Variants in TPX2 observed in about 807,000 individuals in gnomAD.
TPX2 encodes the protein targeting protein for Xklp2.
In TPX2, 21 loss-of-function variants were observed where a neutral mutation model predicts 93.6. The observed-to-expected ratio is 0.22, with a 90% CI of 0.16 to 0.32. The LOEUF (loss-of-function observed/expected upper bound fraction) is 0.32, where lower values mean the gene tolerates loss of function less well. Among genes scored for constraint, TPX2 ranks in the 10% least tolerant of loss-of-function variants. TPX2 has a pLI of 1.00. For synonymous variants in TPX2, 281 were observed against 298.3 expected (o/e 0.94, Z 0.60); for missense variants, 776 against 871.1 (o/e 0.89, Z 1.37).
intron 12 of TPX2, among the ~76,000 whole-genome samples, chr20:31,784,613 A>G (rs954956265): frequency 1.1e-4 from 17 of 152,342 alleles, no homozygotes; most frequent in African/African-American, 4.1e-4. Context: ...TAGGAATTAC[A>G]TGATAAAAAG....
At chr20:31,771,980 T>C (rs1392266462) in intron 7 of TPX2, among the ~76,000 whole-genome samples, 1 of 151,584 alleles carries the variant, frequency 6.6e-6, no homozygotes, top group Non-Finnish European at 1.5e-5. Flanking sequence ...GCCTCCCAAG[T>C]AGCTGGGACT....
At chr20:31,798,696 A>G (rs1419235570) in intron 17 of TPX2, 144 bp downstream of exon 17, 2 of 1,024,764 alleles carry the variant, frequency 2.0e-6, no homozygotes, top group Non-Finnish European at 2.8e-6. Flanking sequence ...GCACAAACTG[A>G]GGGTGGTGAT....
intron 2 of TPX2, among the ~76,000 whole-genome samples, chr20:31,747,438 C>CT (rs939386735): frequency 9.6e-5 from 13 of 135,636 alleles, no homozygotes; most frequent in African/African-American, 3.3e-4. Flanking sequence ...ATCTCTATCT[C>CT]TGTCTGTCTG....
intron 12 of TPX2, among the ~76,000 whole-genome samples, chr20:31,785,102 A>G (rs577544011): frequency 7.7e-4 from 118 of 152,338 alleles, no homozygotes; most frequent in African/African-American, 2.7e-3. Flanking sequence ...TCCAGGCTTT[A>G]CAAAAATCAT....
At chr20:31,759,437 G>T (rs2061873969) in intron 3 of TPX2, among the ~76,000 whole-genome samples, 1 of 119,828 alleles carries the variant, frequency 8.3e-6, no homozygotes. Flanking sequence ...GTCTTGCTCT[G>T]TCGCCAGGCT....
rs371592594 is a variant in TPX2, at chr20:31,782,232, G to C, written c.1055-17G>C. ...GTCTTGCGGATCTAGATGAACATCT[G>C]TCATCTCTGTTTACAGACCTGTTAC... On this transcript the variant is annotated splice_polypyrimidine_tract_variant and intron_variant, in intron 10 of 17. Coordinates refer to ENST00000300403, the MANE Select transcript of TPX2 (RefSeq NM_012112.5). 6 of 1,597,748 alleles carry C rather than the reference G, an allele frequency of 3.8e-6. No individual in the cohort carries two copies. In the Admixed American group the frequency reaches 8.8e-5, roughly 23 times the overall value.
chr20:31,749,109 C>T (rs1236477020), intron 2 of TPX2, among the ~76,000 whole-genome samples: 1 of 152,042 alleles, frequency 6.6e-6, no homozygotes, highest in Non-Finnish European at 1.5e-5. Context: ...CCACGCCTGG[C>T]TAATTTTTTT....
At chr20:31,777,456 G>C (rs773892022) in intron 8 of TPX2, 31 bp from the exon 9 acceptor site, 1 of 1,604,812 alleles carries the variant, frequency 6.2e-7, no homozygotes, top group African/African-American at 1.3e-5. Context: ...TCTTAATGTT[G>C]TCTGTATGTT....
rs1404637439 is a variant in TPX2, at chr20:31,798,422, C to A, written c.2003C>A (p.Ala668Asp). 1 of 1,613,998 alleles carries A rather than the reference C, an allele frequency of 6.2e-7. No individual in the cohort carries two copies. Among genetic ancestry groups the A allele is most frequent in the East Asian group, 2.2e-5 (1 of 44,886 alleles). Residue 668 changes from alanine to aspartate, a missense_variant, in exon 17 of 18, where the codon GCC (alanine) becomes GAC (aspartate). By Grantham distance (126) the Ala-to-Asp change is moderately radical. Coordinates refer to ENST00000300403, the MANE Select transcript of TPX2 (RefSeq NM_012112.5). ...TTTCAGCTGGCTACTGAGAAGAGAG[C>A]CAAAGAGCGGCAGGAGCTGGAGAAG... The part of the protein sequence containing the change: ...EPFQLATEKR[A>D]KERQELEKRM...
Position 31,763,815 on chromosome 20 carries a change from C to T in TPX2, c.230-2741C>T, listed in dbSNP as rs559377494. Among the ~76,000 whole-genome samples the T allele has an allele frequency of 2.4e-3, 359 of 147,966 alleles. 3 individuals are homozygous for T. Among genetic ancestry groups the T allele is most frequent in the African/African-American group, 8.5e-3 (340 of 40,204 alleles). Reference sequence around the variant, plus strand: ...TGGGCGGATCACAAGGTCAGGAGTTCGAGACCAGCCTGGCCAATATGGTGA... The same window carrying T: ...TGGGCGGATCACAAGGTCAGGAGTTTGAGACCAGCCTGGCCAATATGGTGA... On this transcript the variant is annotated intron_variant, in intron 4 of 17. Coordinates refer to ENST00000300403, the MANE Select transcript of TPX2 (RefSeq NM_012112.5).
At chr20:31,791,257 T>C (rs1246047669) in intron 12 of TPX2, among the ~76,000 whole-genome samples, 1 of 152,180 alleles carries the variant, frequency 6.6e-6, no homozygotes, top group Non-Finnish European at 1.5e-5. Flanking sequence ...TATGCTGTTG[T>C]AGGTAAGCAA....
intron 2 of TPX2, among the ~76,000 whole-genome samples, chr20:31,751,705 C>G (rs2061820740): frequency 6.6e-6 from 1 of 152,140 alleles, no homozygotes; most frequent in Non-Finnish European, 1.5e-5. Flanking sequence ...CTTTTGACTA[C>G]AGGTGACAGA....
intron 3 of TPX2, among the ~76,000 whole-genome samples, chr20:31,758,696 C>A (rs932722236): frequency 6.6e-6 from 1 of 152,024 alleles, no homozygotes; most frequent in Non-Finnish European, 1.5e-5. Flanking sequence ...TGACAGGTGC[C>A]ATTTTTTGGA....
intron 2 of TPX2, among the ~76,000 whole-genome samples, chr20:31,756,279 T>G (rs2061851164): frequency 6.6e-6 from 1 of 152,120 alleles, no homozygotes; most frequent in Non-Finnish European, 1.5e-5. Flanking sequence ...ATGATAAGTG[T>G]TACAGTGGAG....
chr20:31,773,424 T>A (rs1476638364), intron 7 of TPX2, among the ~76,000 whole-genome samples: 2 of 146,718 alleles, frequency 1.4e-5, no homozygotes, highest in African/African-American at 4.9e-5. Flanking sequence ...GTGCTGGGAT[T>A]ACAGGTGTGA....
At chr20:31,750,394 T>C (rs943419848) in intron 2 of TPX2, among the ~76,000 whole-genome samples, 2 of 152,156 alleles carry the variant, frequency 1.3e-5, no homozygotes, top group Non-Finnish European at 2.9e-5. Context: ...CCTCAGGCGA[T>C]CCGCCCGCCT....
intron 5 of TPX2, among the ~76,000 whole-genome samples, chr20:31,767,320 A>G (rs531861568): frequency 6.6e-6 from 1 of 152,286 alleles, no homozygotes; most frequent in East Asian, 1.9e-4. Context: ...TATAATTGTT[A>G]CATCTTCCTG....
chr20:31,793,230 G>A (rs1378466724), intron 13 of TPX2, among the ~76,000 whole-genome samples: 1 of 152,094 alleles, frequency 6.6e-6, no homozygotes, highest in South Asian at 2.1e-4. Flanking sequence ...TCCTATCTCC[G>A]TTAACCCAGA....
intron 15 of TPX2, among the ~76,000 whole-genome samples, chr20:31,796,704 A>ATTT (rs781035098): frequency 7.1e-6 from 1 of 140,908 alleles, no homozygotes. Context: ...TTCTGGTTAG[A>ATTT]TTTTTTTTTT....
Sources: allele counts gnomAD v4.1 joint callset (sites outside exome capture counted in the v4.1 genomes callset), GRCh38; gene constraint gnomAD v4.1.1; transcripts MANE v1.5; gene names NCBI Gene and HGNC (gene_info 2026-07-23, HGNC 2026-07-21).